The following USH1C variants were observed in gnomAD, a reference collection of about 807,000 sequenced individuals.
USH1C encodes the protein harmonin.
Under a neutral mutation model 119.3 loss-of-function variants are expected in USH1C, and 90 were observed. The ratio of observed to expected loss-of-function variants is 0.75; its 90% CI spans 0.64 to 0.90. The LOEUF is 0.90. Among genes scored for constraint, USH1C ranks in the 40% least tolerant of loss-of-function variants. The pLI, the probability that USH1C is intolerant of heterozygous loss-of-function variation, is 0.00. For synonymous variants in USH1C, 465 were observed against 443.3 expected (o/e 1.05, Z -0.62); for missense variants, 1,165 against 1,167.7 (o/e 1.00, Z 0.03).
intron 4 of USH1C, among the ~76,000 whole-genome samples, chr11:17,529,425 A>G (rs1850857786): frequency 6.6e-6 from 1 of 152,222 alleles, no homozygotes; most frequent in South Asian, 2.1e-4. Context: ...AAATCAGCAC[A>G]GGTCTTTAGC....
chr11:17,533,187 C>T, intron 2 of USH1C, 68 bp downstream of exon 2: 1 of 1,250,642 alleles, frequency 8.0e-7, no homozygotes, highest in Non-Finnish European at 1.2e-6. Flanking sequence ...TCAGAACAAC[C>T]CATCCCAGGG....
chr11:17,531,553 G>A lies in USH1C; in HGVS notation c.105-11C>T, dbSNP rs771801404. ...GCCACGTCCATGGTCCTGTGGAGAT[G>A]CCGGGAATGCCTGGAGCCTCACCCC... is the stretch of plus-strand genomic sequence containing the variant. On this transcript the variant is annotated splice_polypyrimidine_tract_variant and intron_variant, in intron 2 of 26. Transcript: ENST00000005226. The surrounding 1 kb of genome is among the most constrained non-coding windows in gnomAD (Gnocchi z 4.2). 5 of 1,612,318 alleles carry A rather than the reference G, an allele frequency of 3.1e-6. No homozygotes were observed. The South Asian group carries it at 5.5e-5, about 18-fold the overall frequency.
intron 1 of USH1C, among the ~76,000 whole-genome samples, chr11:17,536,269 C>A (rs1851227036): frequency 6.6e-6 from 1 of 152,224 alleles, no homozygotes; most frequent in South Asian, 2.1e-4. Context: ...GACAGAGAAT[C>A]TCTTATTGAC....
At chr11:17,535,070 C>T (rs1056755440) in intron 1 of USH1C, among the ~76,000 whole-genome samples, 4 of 152,160 alleles carry the variant, frequency 2.6e-5, no homozygotes, top group African/African-American at 9.7e-5. Context: ...CTGAGACAGG[C>T]CTGGGCTGCC....
intron 1 of USH1C, among the ~76,000 whole-genome samples, chr11:17,538,878 C>T (rs1397056637): frequency 6.6e-6 from 1 of 152,196 alleles, no homozygotes; most frequent in East Asian, 1.9e-4. Flanking sequence ...CTTTGGCAGC[C>T]CTGGTTCTCA....
chr11:17,526,918 C>A, intron 6 of USH1C, 98 bp downstream of exon 6: 1 of 1,576,318 alleles, frequency 6.3e-7, no homozygotes, highest in Non-Finnish European at 8.6e-7. Flanking sequence ...TCCACTGGCC[C>A]AGAAGCAGGG....
At chr11:17,532,281 C>T (rs965074889) in intron 2 of USH1C, among the ~76,000 whole-genome samples, 1 of 152,176 alleles carries the variant, frequency 6.6e-6, no homozygotes, top group Non-Finnish European at 1.5e-5. Flanking sequence ...GATATTCCAC[C>T]TACCAAAATC....
chr11:17,497,070 G>A (rs956253015), intron 24 of USH1C, among the ~76,000 whole-genome samples: 1 of 152,202 alleles, frequency 6.6e-6, no homozygotes, highest in Non-Finnish European at 1.5e-5. Context: ...TATGGACCGG[G>A]GACAGGCAGC....
chr11:17,502,953 C>T (rs1849502451), intron 20 of USH1C, among the ~76,000 whole-genome samples: 3 of 152,168 alleles, frequency 2.0e-5, no homozygotes, highest in Admixed American at 2.0e-4. Flanking sequence ...CTAGACCACA[C>T]CAAGTGACCC....
intron 24 of USH1C, 108 bp downstream of exon 24, chr11:17,498,054 C>T: frequency 1.0e-6 from 1 of 975,092 alleles, no homozygotes; most frequent in Admixed American, 1.8e-5. Context: ...GCCTGGACTC[C>T]AGATGCCCAC....
chr11:17,544,093 C>T (rs562686112), intron 1 of USH1C, among the ~76,000 whole-genome samples, 179 bp downstream of exon 1: 1 of 152,384 alleles, frequency 6.6e-6, no homozygotes, highest in South Asian at 2.1e-4. Flanking sequence ...CCCCGCATTC[C>T]CTCCCTCACT....
intron 1 of USH1C, among the ~76,000 whole-genome samples, chr11:17,538,656 T>C (rs1052154023): frequency 9.2e-5 from 14 of 152,160 alleles, no homozygotes; most frequent in Non-Finnish European, 2.9e-5. Flanking sequence ...CTTTCATGCC[T>C]CCAGCCTTCT....
chr11:17,522,961 CG>C (rs1850485405), intron 11 of USH1C, 35 bp from the exon 12 acceptor site: 2 of 1,601,810 alleles, frequency 1.2e-6, no homozygotes, highest in Admixed American at 1.7e-5. Context: ...GCTCAGCCCC[CG>C]GGGAACCTGG....
In USH1C at chr11:17,501,153, G is replaced by T; in HGVS notation, c.2281-3C>A. The T allele has an allele frequency of 6.2e-7, 1 of 1,612,430 alleles. No individual in the cohort carries two copies. The highest frequency in any genetic ancestry group is 8.5e-7 in the Non-Finnish European group (1 of 1,179,084). On this transcript the variant is annotated splice_polypyrimidine_tract_variant and splice_region_variant and intron_variant, in intron 22 of 26. Transcript: ENST00000005226. ...AGGGCCAGGTCTAAGGATCCCTCCT[G>T]GTTAGAGGAAAACAGGCCTTAGGGA...
chr11:17,522,688 A>G, intron 12 of USH1C, 96 bp downstream of exon 12: 1 of 1,573,722 alleles, frequency 6.4e-7, no homozygotes, highest in Non-Finnish European at 8.7e-7. Flanking sequence ...AGGAGGAGGA[A>G]GTTGGCTGGG....
At chr11:17,513,165 C>T (rs1275034778) in intron 15 of USH1C, among the ~76,000 whole-genome samples, 2 of 152,124 alleles carry the variant, frequency 1.3e-5, no homozygotes, top group African/African-American at 4.8e-5. Flanking sequence ...CCTAGTTTTT[C>T]TATGGTGCCC....
chr11:17,509,845 G>T lies in USH1C; in HGVS notation c.1531-7C>A, dbSNP rs748196896. Reference sequence around the variant, plus strand: ...GCGGGGGCCCTGTGGTCATCTGGGGGTGTTGCAAGGAAGTTCTGTAATTGT... The same window carrying T: ...GCGGGGGCCCTGTGGTCATCTGGGGTTGTTGCAAGGAAGTTCTGTAATTGT... On this transcript the variant is annotated splice_polypyrimidine_tract_variant and splice_region_variant and intron_variant, in intron 17 of 26. Transcript: ENST00000005226. The T allele has an allele frequency of 5.7e-6, 9 of 1,589,608 alleles. No homozygotes were observed. In the South Asian group the frequency reaches 8.9e-5, roughly 16 times the overall value.
intron 1 of USH1C, among the ~76,000 whole-genome samples, chr11:17,538,134 G>C (rs1024787826): frequency 6.6e-6 from 1 of 152,176 alleles, no homozygotes; most frequent in African/African-American, 2.4e-5. Context: ...AAGCCCTAAA[G>C]GAGCCCACCA....
intron 1 of USH1C, chr11:17,533,579 G>A: frequency 3.3e-6 from 2 of 605,428 alleles, no homozygotes; most frequent in Non-Finnish European, 3.0e-6. Context: ...CCCAGGTGGG[G>A]CAATATGTGC....
Sources: gnomAD v4.1 joint callset for allele counts (sites outside exome capture counted in the v4.1 genomes callset) on GRCh38, gnomAD v4.1.1 for gene constraint, Gnocchi (gnomAD v3.1) non-coding constraint, MANE v1.5 for transcripts, NCBI Gene and HGNC (gene_info 2026-07-23, HGNC 2026-07-21) for gene names.